Variants in TANC2 observed in about 807,000 individuals in gnomAD.
The protein encoded by TANC2 is protein TANC2.
In TANC2, 26 loss-of-function variants were observed where a neutral mutation model predicts 210.5. That is an observed-to-expected ratio of 0.12 (90% CI 0.09 to 0.17). The LOEUF (loss-of-function observed/expected upper bound fraction) is 0.17. TANC2 is among the 10% of genes least tolerant of loss of function. TANC2 has a pLI of 1.00. For synonymous variants in TANC2, 931 were observed against 967.1 expected (o/e 0.96, Z 0.69); for missense variants, 2,129 against 2,608.9 (o/e 0.82, Z 4.01).
At chr17:63,022,191 A>G (rs2034377087) in intron 2 of TANC2, among the ~76,000 whole-genome samples, 1 of 151,940 alleles carries the variant, frequency 6.6e-6, no homozygotes, top group Non-Finnish European at 1.5e-5. Flanking sequence ...ATACAAAAAA[A>G]GTTAGCCGGG....
At chr17:63,377,286 A>G (rs2047455823) in intron 14 of TANC2, among the ~76,000 whole-genome samples, 1 of 152,102 alleles carries the variant, frequency 6.6e-6, no homozygotes, top group Non-Finnish European at 1.5e-5. Flanking sequence ...GCTGGCTTAG[A>G]TTTCTCCCTA....
intron 14 of TANC2, among the ~76,000 whole-genome samples, chr17:63,360,833 C>CT (rs2046936488): frequency 6.6e-6 from 1 of 152,184 alleles, no homozygotes; most frequent in Admixed American, 6.5e-5. Context: ...CCCCTACTCT[C>CT]TATCTCCATG....
At chr17:63,354,739 A>G in intron 13 of TANC2, 44 bp from the exon 14 acceptor site, 1 of 1,523,584 alleles carries the variant, frequency 6.6e-7, no homozygotes. Context: ...AGTTAGGGGA[A>G]ACTGAAGGTC....
intron 2 of TANC2, among the ~76,000 whole-genome samples, chr17:63,046,900 A>T (rs2035404856): frequency 6.6e-6 from 1 of 152,156 alleles, no homozygotes; most frequent in South Asian, 2.1e-4. Flanking sequence ...GAGTGTCTAT[A>T]TATTTGAATT....
chr17:63,374,428 G>A (rs1567964337), intron 14 of TANC2, among the ~76,000 whole-genome samples: 1 of 152,114 alleles, frequency 6.6e-6, no homozygotes, highest in Non-Finnish European at 1.5e-5. Flanking sequence ...AGACTCTGTT[G>A]AGGATAGAGG....
chr17:63,002,784 T>C (rs901252782), intron 1 of TANC2, among the ~76,000 whole-genome samples: 1 of 152,206 alleles, frequency 6.6e-6, no homozygotes, highest in Non-Finnish European at 1.5e-5. Context: ...GCATATTATA[T>C]GTTGTGATTT....
At chr17:63,097,469 G>C (rs1401497352) in intron 3 of TANC2, among the ~76,000 whole-genome samples, 4 of 151,966 alleles carry the variant, frequency 2.6e-5, no homozygotes, top group Non-Finnish European at 4.4e-5. Flanking sequence ...AATAAATCAG[G>C]GGTGTCCAAT....
chr17:63,307,293 C>T (rs1052349337), intron 9 of TANC2, among the ~76,000 whole-genome samples: 4 of 152,094 alleles, frequency 2.6e-5, no homozygotes, highest in African/African-American at 4.8e-5. Flanking sequence ...TAGGAGTAGT[C>T]GATAAGAAGG....
chr17:63,077,441 A>T (rs945606974), intron 3 of TANC2, among the ~76,000 whole-genome samples: 3 of 152,180 alleles, frequency 2.0e-5, no homozygotes, highest in African/African-American at 7.2e-5. Flanking sequence ...AAGCAGAAAG[A>T]TCCTTCAGAA....
chr17:63,343,987 G>A (rs572507003), intron 12 of TANC2, among the ~76,000 whole-genome samples: 1 of 152,268 alleles, frequency 6.6e-6, no homozygotes, highest in African/African-American at 2.4e-5. Flanking sequence ...ATGTACAAAA[G>A]CATTTGACAA....
At chr17:63,242,764 A>G (rs1028527026) in intron 8 of TANC2, among the ~76,000 whole-genome samples, 2 of 152,186 alleles carry the variant, frequency 1.3e-5, no homozygotes, top group African/African-American at 4.8e-5. Flanking sequence ...ATGGATAAAC[A>G]ATTGTGTATC....
intron 2 of TANC2, among the ~76,000 whole-genome samples, chr17:63,028,050 A>G (rs2034627239): frequency 6.6e-6 from 1 of 152,078 alleles, no homozygotes; most frequent in Admixed American, 6.6e-5. Flanking sequence ...AGTTGTCACT[A>G]AAAATCTTGC....
chr17:63,317,593 C>T (rs2146611574), intron 10 of TANC2, among the ~76,000 whole-genome samples: 1 of 152,260 alleles, frequency 6.6e-6, no homozygotes. Flanking sequence ...GTTTCTATCA[C>T]TAAAAGTCTC....
At chr17:63,213,156 G>A (rs1226820709) in intron 7 of TANC2, among the ~76,000 whole-genome samples, 1 of 152,172 alleles carries the variant, frequency 6.6e-6, no homozygotes, top group Non-Finnish European at 1.5e-5. Context: ...TAATGTTTCA[G>A]TGTTTGGAGC....
At chr17:63,159,085 G>A (rs1567772677) in intron 5 of TANC2, among the ~76,000 whole-genome samples, 2 of 152,154 alleles carry the variant, frequency 1.3e-5, no homozygotes, top group South Asian at 2.1e-4. Flanking sequence ...CAGCAAGACA[G>A]TGACAGTTTT....
chr17:63,364,197 A>T (rs1417416027), intron 14 of TANC2, among the ~76,000 whole-genome samples: 1 of 152,230 alleles, frequency 6.6e-6, no homozygotes, highest in Non-Finnish European at 1.5e-5. Context: ...ATATTTTGAA[A>T]TATGTTCAAT....
intron 7 of TANC2, among the ~76,000 whole-genome samples, chr17:63,221,434 C>A (rs888588910): frequency 9.3e-6 from 1 of 107,926 alleles, no homozygotes. Context: ...CAGAGTGAGA[C>A]TCCATCTCAA....
At chr17:63,065,254 C>T (rs1359450099) in intron 2 of TANC2, among the ~76,000 whole-genome samples, 1 of 152,186 alleles carries the variant, frequency 6.6e-6, no homozygotes, top group African/African-American at 2.4e-5. Context: ...AATAGTATTA[C>T]ATTGTGTATT....
At chr17:63,361,339 C>G (rs1421423478) in intron 14 of TANC2, among the ~76,000 whole-genome samples, 1 of 152,196 alleles carries the variant, frequency 6.6e-6, no homozygotes, top group Non-Finnish European at 1.5e-5. Context: ...GGCCCAGATC[C>G]CACACCTCCC....
Sources: allele counts gnomAD v4.1 joint callset (sites outside exome capture counted in the v4.1 genomes callset), GRCh38; gene constraint gnomAD v4.1.1; transcripts MANE v1.5; gene names NCBI Gene and HGNC (gene_info 2026-07-23, HGNC 2026-07-21).